Variants in ZNF804A observed in about 807,000 individuals in gnomAD.
ZNF804A encodes the protein zinc finger protein 804A.
In ZNF804A, 2 loss-of-function variants were observed where a neutral mutation model predicts 16.5. The observed-to-expected ratio is 0.12, with a 90% CI of 0.05 to 0.38. The LOEUF (loss-of-function observed/expected upper bound fraction) is 0.38, where lower values mean the gene tolerates loss of function less well. ZNF804A is among the 10% of genes least tolerant of loss of function. The probability of loss-of-function intolerance (pLI) is 0.99; values close to 1 mark genes in which losing one functional copy is unlikely to be tolerated. For missense variants in ZNF804A, 1,473 were observed against 1,390.7 expected (o/e 1.06, Z -0.94); for synonymous variants, 534 against 489.6 (o/e 1.09, Z -1.20).
At chr2:184,824,993 C>T (rs1051079788) in intron 1 of ZNF804A, among the ~76,000 whole-genome samples, 1 of 152,066 alleles carries the variant, frequency 6.6e-6, no homozygotes, top group East Asian at 1.9e-4. Context: ...ACATGTAAGC[C>T]CCACGTCTCA....
chr2:184,867,847 T>C (rs911475232), intron 2 of ZNF804A, among the ~76,000 whole-genome samples: 4 of 152,114 alleles, frequency 2.6e-5, no homozygotes, highest in Non-Finnish European at 4.4e-5. Flanking sequence ...TCCTCTGATT[T>C]TTCCTATGTA....
intron 1 of ZNF804A, among the ~76,000 whole-genome samples, chr2:184,830,129 C>T (rs1695240485): frequency 6.6e-6 from 1 of 151,560 alleles, no homozygotes; most frequent in Non-Finnish European, 1.5e-5. Flanking sequence ...CACACACACA[C>T]ACACACACAC....
chr2:184,673,222 T>C (rs1335341260), intron 1 of ZNF804A, among the ~76,000 whole-genome samples: 1 of 152,052 alleles, frequency 6.6e-6, no homozygotes, highest in African/African-American at 2.4e-5. Flanking sequence ...GTTCCTACAT[T>C]TTTCCAAAAA....
chr2:184,935,144 CTT>C (rs946844287), intron 3 of ZNF804A, among the ~76,000 whole-genome samples: 2 of 152,050 alleles, frequency 1.3e-5, no homozygotes, highest in African/African-American at 2.4e-5. Context: ...AGTGAATTGT[CTT>C]TTATCTTGCA....
At chr2:184,896,949 C>A (rs1324293919) in intron 2 of ZNF804A, among the ~76,000 whole-genome samples, 1 of 152,012 alleles carries the variant, frequency 6.6e-6, no homozygotes, top group Non-Finnish European at 1.5e-5. Context: ...GATTATTAAT[C>A]TCACTTAACT....
At chr2:184,814,318 T>C (rs1694946145) in intron 1 of ZNF804A, among the ~76,000 whole-genome samples, 1 of 152,048 alleles carries the variant, frequency 6.6e-6, no homozygotes, top group African/African-American at 2.4e-5. Context: ...GAGAATTTCA[T>C]TGTGATTTCC....
chr2:184,909,673 G>T (rs1403573233), intron 2 of ZNF804A, among the ~76,000 whole-genome samples: 1 of 151,842 alleles, frequency 6.6e-6, no homozygotes, highest in Admixed American at 6.6e-5. Flanking sequence ...ATTCACCTCT[G>T]GGTCAATTTT....
chr2:184,758,774 A>C (rs1265722822), intron 1 of ZNF804A, among the ~76,000 whole-genome samples: 1 of 151,978 alleles, frequency 6.6e-6, no homozygotes, highest in Admixed American at 6.6e-5. Flanking sequence ...ATTATGAACC[A>C]CAAATCATTG....
At chr2:184,879,177 C>T (rs1684766888) in intron 2 of ZNF804A, among the ~76,000 whole-genome samples, 1 of 151,808 alleles carries the variant, frequency 6.6e-6, no homozygotes. Context: ...GGAAAATAAT[C>T]TACATTCTTT....
intron 1 of ZNF804A, among the ~76,000 whole-genome samples, chr2:184,705,142 T>C (rs1225181000): frequency 2.6e-5 from 4 of 152,134 alleles, no homozygotes; most frequent in East Asian, 1.9e-4. Flanking sequence ...ATAGGAAATA[T>C]GTAGGAGATT....
chr2:184,908,959 G>A (rs1685319503), intron 2 of ZNF804A, among the ~76,000 whole-genome samples: 1 of 152,086 alleles, frequency 6.6e-6, no homozygotes, highest in East Asian at 1.9e-4. Flanking sequence ...CTTTAAGCAA[G>A]TTAACAGCTA....
At chr2:184,804,115 C>T (rs753198942) in intron 1 of ZNF804A, among the ~76,000 whole-genome samples, 7 of 152,110 alleles carry the variant, frequency 4.6e-5, no homozygotes, top group Non-Finnish European at 7.4e-5. Context: ...CTCCCCACCT[C>T]GGCCTCCCAA....
chr2:184,869,054 G>C (rs961293197), intron 2 of ZNF804A, among the ~76,000 whole-genome samples: 2 of 151,966 alleles, frequency 1.3e-5, no homozygotes, highest in Non-Finnish European at 2.9e-5. Flanking sequence ...CAAAGGAAGT[G>C]CTCATTTGGA....
intron 1 of ZNF804A, among the ~76,000 whole-genome samples, chr2:184,805,835 C>T (rs1159649338): frequency 6.6e-6 from 1 of 151,904 alleles, no homozygotes; most frequent in African/African-American, 2.4e-5. Context: ...GAGCCAAGGA[C>T]TTTGTCTTCT....
chr2:184,678,648 A>G (rs1374561153), intron 1 of ZNF804A, among the ~76,000 whole-genome samples: 1 of 152,206 alleles, frequency 6.6e-6, no homozygotes, highest in East Asian at 1.9e-4. Context: ...TCTTGATTTA[A>G]GCCTACAATT....
intron 1 of ZNF804A, among the ~76,000 whole-genome samples, chr2:184,767,787 T>C (rs1694152894): frequency 6.6e-6 from 1 of 152,110 alleles, no homozygotes; most frequent in Non-Finnish European, 1.5e-5. Context: ...GTCTACCTTC[T>C]TAAAAAGTTC....
At chr2:184,931,312 G>T (rs958900911) in intron 2 of ZNF804A, among the ~76,000 whole-genome samples, 3 of 152,206 alleles carry the variant, frequency 2.0e-5, no homozygotes, top group African/African-American at 7.2e-5. Context: ...CCCTAGCAGA[G>T]GTTCTCCATG....
chr2:184,913,133 A>G (rs1304724421), intron 2 of ZNF804A, among the ~76,000 whole-genome samples: 2 of 152,084 alleles, frequency 1.3e-5, no homozygotes, highest in African/African-American at 4.8e-5. Flanking sequence ...GTTCAATACC[A>G]TTCTTTTGCA....
chr2:184,636,321 T>TGA (rs147915572), intron 1 of ZNF804A, among the ~76,000 whole-genome samples: 78,519 of 147,522 alleles, frequency 0.53, 21,329 homozygotes, highest in Middle Eastern at 0.62. Context: ...TGTGTGTGTG[T>TGA]GAGAGAGAGA....
Sources: gnomAD v4.1 joint callset for allele counts (sites outside exome capture counted in the v4.1 genomes callset) on GRCh38, gnomAD v4.1.1 for gene constraint, MANE v1.5 for transcripts, NCBI Gene and HGNC (gene_info 2026-07-23, HGNC 2026-07-21) for gene names.